Variants in COQ8A observed in about 807,000 individuals in gnomAD.
The protein encoded by COQ8A is atypical kinase COQ8A, mitochondrial.
A neutral mutation model predicts 65.0 loss-of-function variants in COQ8A; 51 were observed. That is an observed-to-expected ratio of 0.78 (90% CI 0.63 to 0.99). The LOEUF (loss-of-function observed/expected upper bound fraction) is 0.99, where lower values mean the gene tolerates loss of function less well. Among genes scored for constraint, COQ8A ranks in the 50% least tolerant of loss-of-function variants. The pLI, the probability that COQ8A is intolerant of heterozygous loss-of-function variation, is 0.00. For synonymous variants in COQ8A, 371 were observed against 353.2 expected (o/e 1.05, Z -0.57); for missense variants, 940 against 875.0 (o/e 1.07, Z -0.94).
At chr1:226,955,051 A>G (rs962742479) in intron 1 of COQ8A, among the ~76,000 whole-genome samples, 7 of 152,052 alleles carry the variant, frequency 4.6e-5, no homozygotes, top group African/African-American at 1.4e-4. Flanking sequence ...CCTGGCTGGA[A>G]CCTAAAGGCA....
At chr1:226,984,034 TGGG>T (rs201300405) in intron 10 of COQ8A, 57 bp from the exon 11 acceptor site, 62 of 1,279,084 alleles carry the variant, frequency 4.8e-5, no homozygotes, top group Non-Finnish European at 6.0e-5. Flanking sequence ...GGGGTGTGTG[TGGG>T]GGGGGGGACG....
intron 4 of COQ8A, among the ~76,000 whole-genome samples, chr1:226,969,527 C>T (rs988032972): frequency 6.6e-6 from 1 of 152,200 alleles, no homozygotes; most frequent in Non-Finnish European, 1.5e-5. Context: ...TGAGCCACCG[C>T]GCCCGGCCAG....
chr1:226,980,400 T>G (rs574064153), intron 5 of COQ8A, among the ~76,000 whole-genome samples: 30 of 152,314 alleles, frequency 2.0e-4, no homozygotes, highest in African/African-American at 6.7e-4. Flanking sequence ...AGGCCTACTC[T>G]GTGTGTCATG....
At chr1:226,974,336 C>T (rs1178295424) in intron 4 of COQ8A, among the ~76,000 whole-genome samples, 1 of 152,256 alleles carries the variant, frequency 6.6e-6, no homozygotes, top group East Asian at 1.9e-4. Flanking sequence ...GGAAGCAAGG[C>T]TGCTCACAGT....
chr1:226,977,431 GC>G lies in COQ8A; in HGVS notation c.656-13del. On this transcript the variant is annotated splice_polypyrimidine_tract_variant and intron_variant, in intron 4 of 14. Coordinates refer to ENST00000366777, the MANE Select transcript of COQ8A (RefSeq NM_020247.5). The stretch of plus-strand genomic sequence containing the variant: ...AGCCCTGCGTGAGCACTGAGTGCCC[GC>G]CCCCTCCTCCTTGCAGGTCTGGCCG... 6.4e-7 allele frequency: 1 copy of G among 1,552,816 alleles called. No individual in the cohort carries two copies. The highest frequency in any genetic ancestry group is 8.7e-7 in the Non-Finnish European group (1 of 1,148,560).
At chr1:226,981,188 C>G (rs980074027) in intron 5 of COQ8A, among the ~76,000 whole-genome samples, 1 of 152,236 alleles carries the variant, frequency 6.6e-6, no homozygotes, top group Non-Finnish European at 1.5e-5. Flanking sequence ...CAGATCCCTG[C>G]TCAGGCCTCT....
intron 5 of COQ8A, among the ~76,000 whole-genome samples, chr1:226,980,571 G>A (rs746177778): frequency 5.3e-5 from 8 of 152,166 alleles, no homozygotes; most frequent in Non-Finnish European, 1.2e-4. Context: ...CTTTGGTGCT[G>A]GCGTCTGCTG....
intron 2 of COQ8A, among the ~76,000 whole-genome samples, chr1:226,963,337 A>G (rs1409583928): frequency 6.6e-6 from 1 of 152,220 alleles, no homozygotes; most frequent in African/African-American, 2.4e-5. Flanking sequence ...GAGGAAGGTC[A>G]CGGACTCCAG....
intron 5 of COQ8A, among the ~76,000 whole-genome samples, chr1:226,980,798 G>A (rs1050450464): frequency 1.3e-5 from 2 of 152,226 alleles, no homozygotes; most frequent in Non-Finnish European, 2.9e-5. Context: ...GCAGATGCGG[G>A]TCTTCTCCGA....
In COQ8A at chr1:226,984,589, C is replaced by T. The variant is rs12593; in HGVS notation, c.1440C>T (p.Phe480=). The T allele has an allele frequency of 0.41, 667,849 of 1,613,148 alleles. 146,010 individuals are homozygous for T. Among genetic ancestry groups the T allele is most frequent in the Non-Finnish European group, 0.46 (543,650 of 1,179,196 alleles). Residue 480 remains phenylalanine (F), a synonymous_variant, in exon 12 of 15, where the codon TTC becomes TTT. Coordinates refer to ENST00000366777, the MANE Select transcript of COQ8A (RefSeq NM_020247.5). ...NILVLCLREL[F]EFHFMQTDPN... ...TGGTTCTGTGCCTGAGGGAGCTGTT[C>T]GAGTTCCACTTCATGCAAACAGACC... is the stretch of plus-strand genomic sequence containing the variant.
At chr1:226,942,329 AG>A (rs1356556299) in intron 1 of COQ8A, among the ~76,000 whole-genome samples, 1 of 151,980 alleles carries the variant, frequency 6.6e-6, no homozygotes, top group African/African-American at 2.4e-5. Flanking sequence ...CTAGGAGGGC[AG>A]AGGCAAAACC....
rs200880038 is a variant in COQ8A at position 226,978,400 on chromosome 1, C to T, written c.730+877C>T. ...ACCCTCCACATACCCTCCAAACACC[C>T]GCACACCTTGCACACCCTCCACACA... On this transcript the variant is annotated intron_variant, in intron 5 of 14. Transcript: ENST00000366777. 4.6e-4 allele frequency among the ~76,000 whole-genome samples: 66 copies of T among 143,804 alleles called. No homozygotes were observed. In the East Asian group the frequency reaches 8.5e-3, roughly 18 times the overall value. 94.3% of individuals were successfully genotyped at this position (143,804 alleles called of 152,430 possible). A position where few individuals can be genotyped will look rare whatever the true frequency, so the allele number is the denominator to read the frequency against.
intron 1 of COQ8A, among the ~76,000 whole-genome samples, chr1:226,959,689 A>G (rs1248705035): frequency 6.6e-6 from 1 of 152,230 alleles, no homozygotes; most frequent in Non-Finnish European, 1.5e-5. Context: ...CCACATATCT[A>G]TGGGGTATTT....
In COQ8A at chr1:226,975,287, C is replaced by T. The variant is rs969181071; in HGVS notation, c.656-2162C>T. On this transcript the variant is annotated intron_variant, in intron 4 of 14. Coordinates refer to ENST00000366777, the MANE Select transcript of COQ8A (RefSeq NM_020247.5). ...GCCAGGCACCCCCATCCCAACACAG[C>T]AGACATCTGTACCATGTGTGTTGTC... is the stretch of plus-strand genomic sequence containing the variant. 3.3e-5 allele frequency among the ~76,000 whole-genome samples: 5 copies of T among 152,112 alleles called. No homozygotes were observed. The East Asian group carries it at 9.7e-4, about 29-fold the overall frequency.
chr1:226,985,005 G>A (rs143631631), intron 13 of COQ8A, 64 bp downstream of exon 13: 4 of 1,584,374 alleles, frequency 2.5e-6, no homozygotes, highest in Non-Finnish European at 3.5e-6. Flanking sequence ...GATGCTGGGG[G>A]ACTCGGGGTA....
chr1:226,984,508 T>C (rs747494338), intron 11 of COQ8A, 40 bp from the exon 12 acceptor site: 21 of 1,503,758 alleles, frequency 1.4e-5, no homozygotes, highest in South Asian at 4.5e-5. Context: ...CACCAGGCAG[T>C]GTGGTGCTGC....
At chr1:226,952,840 T>G (rs543846482) in intron 1 of COQ8A, among the ~76,000 whole-genome samples, 38 of 152,310 alleles carry the variant, frequency 2.5e-4, no homozygotes, top group African/African-American at 9.1e-4. Context: ...AAAGAAAGAT[T>G]TGTCTTCCCA....
At chr1:226,956,102 C>A (rs1486578725) in intron 1 of COQ8A, among the ~76,000 whole-genome samples, 2 of 138,320 alleles carry the variant, frequency 1.4e-5, no homozygotes, top group Admixed American at 7.1e-5. Context: ...TCACACTCTC[C>A]CTGGCTCTCA....
chr1:226,955,281 A>G (rs962671775), intron 1 of COQ8A, among the ~76,000 whole-genome samples: 3 of 151,938 alleles, frequency 2.0e-5, no homozygotes, highest in Non-Finnish European at 4.4e-5. Context: ...CTTGCAGCAG[A>G]CAGCTGCCCT....
Sources: allele counts gnomAD v4.1 joint callset (sites outside exome capture counted in the v4.1 genomes callset), GRCh38; gene constraint gnomAD v4.1.1; transcripts MANE v1.5; gene names NCBI Gene and HGNC (gene_info 2026-07-23, HGNC 2026-07-21).